LTBP1: variants seen among roughly 807,000 people sequenced by gnomAD.
LTBP1 encodes the protein latent-transforming growth factor beta-binding protein 1.
LTBP1 carries 129 observed loss-of-function variants against 207.6 expected under a neutral mutation model. That is an observed-to-expected ratio of 0.62 (90% CI 0.54 to 0.72). The LOEUF (loss-of-function observed/expected upper bound fraction) is 0.72, where lower values mean the gene tolerates loss of function less well. LTBP1 is among the 30% of genes least tolerant of loss of function. The probability of loss-of-function intolerance (pLI) is 0.00; values close to 1 mark genes in which losing one functional copy is unlikely to be tolerated. For synonymous variants in LTBP1, 963 were observed against 833.7 expected, an observed-to-expected ratio of 1.16 and a Z score of -2.67; for missense variants, 2,281 against 2,217.2, an observed-to-expected ratio of 1.03 and a Z score of -0.58.
intron 5 of LTBP1, among the ~76,000 whole-genome samples, chr2:33,145,540 T>C (rs1332769566): frequency 6.6e-6 from 1 of 152,210 alleles, no homozygotes; most frequent in African/African-American, 2.4e-5. Context: ...TAAAGTCTTA[T>C]TTAGCAAGAT....
chr2:33,004,812 T>A (rs67365818), intron 2 of LTBP1, among the ~76,000 whole-genome samples: 1 of 139,284 alleles, frequency 7.2e-6, no homozygotes, highest in African/African-American at 2.5e-5. Flanking sequence ...TATATATATA[T>A]ATAAACATAA....
At chr2:33,195,059 T>G (rs7583435) in intron 7 of LTBP1, among the ~76,000 whole-genome samples, 12,259 of 152,270 alleles carry the variant, frequency 0.081, 1,072 homozygotes, top group African/African-American at 0.22. Flanking sequence ...ATGCTCAGAA[T>G]AAAAGATTCC....
chr2:33,229,381 G>A (rs1398015399), intron 9 of LTBP1, among the ~76,000 whole-genome samples: 1 of 152,086 alleles, frequency 6.6e-6, no homozygotes, highest in Non-Finnish European at 1.5e-5. Flanking sequence ...AGCTGAGGCA[G>A]AAGGGTTGCT....
At chr2:33,203,409 G>A (rs2089537377) in intron 7 of LTBP1, among the ~76,000 whole-genome samples, 1 of 152,224 alleles carries the variant, frequency 6.6e-6, no homozygotes, top group Non-Finnish European at 1.5e-5. Context: ...GTAGGGCTGG[G>A]ACATTAGGAT....
intron 9 of LTBP1, 79 bp downstream of exon 9, chr2:33,222,230 T>G: frequency 1.0e-6 from 1 of 1,001,214 alleles, no homozygotes; most frequent in South Asian, 1.3e-5. Flanking sequence ...TGCCACGGCT[T>G]GCTCATTCGC....
At chr2:33,301,772 G>C in intron 22 of LTBP1, 128 bp downstream of exon 22, 1 of 784,678 alleles carries the variant, frequency 1.3e-6, no homozygotes, top group Non-Finnish European at 1.9e-6. Flanking sequence ...TCCCTGCAAA[G>C]TGTCTTCCCC....
At chr2:33,328,135 C>CAATAAATAAATAAATAAATA (rs535099037) in intron 24 of LTBP1, among the ~76,000 whole-genome samples, 19,492 of 133,776 alleles carry the variant, frequency 0.15, 1,838 homozygotes, top group Non-Finnish European at 0.19. Context: ...GACTCTGTCT[C>CAATAAATAAATAAATAAATA]AATAAATAAA....
At position 33,309,856 on chromosome 2, in the gene LTBP1, T is replaced by A. The variant is rs187093088; in HGVS notation, c.3604+300T>A. Among the ~76,000 whole-genome samples the A allele has an allele frequency of 6.2e-4, 95 of 152,286 alleles. 2 individuals carry two copies. Among genetic ancestry groups the A allele is most frequent in the African/African-American group, 2.2e-3 (93 of 41,562 alleles). Reference sequence around the variant, plus strand: ...TTGGTACTGGGTTCTAAATTATCTTTATAGCATCTTTTATGGGCATATTTT... The same window carrying A: ...TTGGTACTGGGTTCTAAATTATCTTAATAGCATCTTTTATGGGCATATTTT... On this transcript the variant is annotated intron_variant, in intron 23 of 33. Transcript: ENST00000404816.
At chr2:32,997,824 C>T (rs1685518203) in intron 2 of LTBP1, among the ~76,000 whole-genome samples, 1 of 152,148 alleles carries the variant, frequency 6.6e-6, no homozygotes, top group Non-Finnish European at 1.5e-5. Context: ...AACATTTCGA[C>T]CATAGCAGGA....
chr2:32,995,057 G>A (rs541485854), intron 2 of LTBP1, among the ~76,000 whole-genome samples: 1 of 152,050 alleles, frequency 6.6e-6, no homozygotes, highest in East Asian at 1.9e-4. Flanking sequence ...GGTAGTACGT[G>A]CCTGTAGTCT....
At chr2:33,048,612 A>C (rs2076568659) in intron 3 of LTBP1, among the ~76,000 whole-genome samples, 1 of 152,228 alleles carries the variant, frequency 6.6e-6, no homozygotes, top group Non-Finnish European at 1.5e-5. Flanking sequence ...AATAGTCGAC[A>C]TCCAGACTGA....
At chr2:33,326,116 A>G (rs2094423491) in intron 24 of LTBP1, among the ~76,000 whole-genome samples, 2 of 152,208 alleles carry the variant, frequency 1.3e-5, no homozygotes, top group South Asian at 4.1e-4. Flanking sequence ...CATTAAATAT[A>G]TACTACTTTT....
intron 5 of LTBP1, among the ~76,000 whole-genome samples, chr2:33,141,768 AC>A (rs2082660331): frequency 6.6e-6 from 1 of 152,046 alleles, no homozygotes; most frequent in African/African-American, 2.4e-5. Flanking sequence ...TTTTGTCTAA[AC>A]CGTGGAGCAC....
chr2:33,159,142 GT>G (rs1346001172), intron 5 of LTBP1, among the ~76,000 whole-genome samples: 1 of 152,210 alleles, frequency 6.6e-6, no homozygotes, highest in Non-Finnish European at 1.5e-5. Context: ...CTAGCAAGCT[GT>G]GGCCTGGGTG....
At chr2:33,062,067 G>A (rs370062126) in intron 3 of LTBP1, among the ~76,000 whole-genome samples, 3 of 152,028 alleles carry the variant, frequency 2.0e-5, no homozygotes, top group African/African-American at 4.8e-5. Flanking sequence ...TAATGATATC[G>A]AATAGCTTTT....
intron 3 of LTBP1, among the ~76,000 whole-genome samples, chr2:33,067,056 C>G (rs1403836029): frequency 2.0e-5 from 3 of 152,106 alleles, no homozygotes; most frequent in African/African-American, 7.2e-5. Context: ...CCTGTAGTCC[C>G]AGCTACTCTA....
intron 5 of LTBP1, among the ~76,000 whole-genome samples, chr2:33,186,042 C>T (rs1249646574): frequency 6.6e-6 from 1 of 152,168 alleles, no homozygotes; most frequent in African/African-American, 2.4e-5. Flanking sequence ...CCAGTCTGTC[C>T]TGTTACCTTT....
intron 9 of LTBP1, among the ~76,000 whole-genome samples, chr2:33,236,425 G>A (rs2149653173): frequency 6.6e-6 from 1 of 152,280 alleles, no homozygotes; most frequent in South Asian, 2.1e-4. Context: ...TTTTCAGTAA[G>A]AATTTAAACA....
chr2:33,343,427 A>AT (rs1299011472), intron 25 of LTBP1, among the ~76,000 whole-genome samples: 2 of 151,792 alleles, frequency 1.3e-5, no homozygotes, highest in African/African-American at 4.8e-5. Context: ...AAAAAAAAAA[A>AT]ATCCTATGGC....
Sources: gnomAD v4.1 joint callset for allele counts (sites outside exome capture counted in the v4.1 genomes callset) on GRCh38, gnomAD v4.1.1 for gene constraint, MANE v1.5 for transcripts, NCBI Gene and HGNC (gene_info 2026-07-23, HGNC 2026-07-21) for gene names.